The following MMRN1 variants were observed in gnomAD, a reference collection of about 807,000 sequenced individuals.
MMRN1 encodes the protein multimerin-1.
In MMRN1, 94 loss-of-function variants were observed where a neutral mutation model predicts 100.7. The observed-to-expected ratio is 0.93, with a 90% CI of 0.79 to 1.11. The LOEUF (loss-of-function observed/expected upper bound fraction) is 1.11. Ranked by LOEUF, MMRN1 falls within the 50% of genes least tolerant of loss-of-function variation. The probability of loss-of-function intolerance (pLI) is 0.00; values close to 1 mark genes in which losing one functional copy is unlikely to be tolerated. For synonymous variants in MMRN1, 575 were observed against 505.0 expected (o/e 1.14, Z -1.86); for missense variants, 1,606 against 1,439.1 (o/e 1.12, Z -1.88).
In MMRN1 at chr4:89,927,863, A is replaced by T; in HGVS notation, c.1024A>T (p.Ile342Phe). ...GAAACTGACTCTTCTGCAGAAGAAG[A>T]TTGACAATATTTCTTTGACTGTGAA... ...AMKLTLLQKK[I>F]DNISLTVNDV... Residue 342 changes from isoleucine (I) to phenylalanine (F), a missense_variant, in exon 5 of 8, where the codon ATT becomes TTT. Physicochemically the swap from Ile to Phe is conservative, Grantham distance 21. Coordinates refer to ENST00000264790, the MANE Select transcript of MMRN1 (RefSeq NM_007351.3). The T allele has an allele frequency of 6.2e-7, 1 of 1,612,840 alleles. No individual in the cohort carries two copies. The highest frequency in any genetic ancestry group is 8.5e-7 in the Non-Finnish European group (1 of 1,179,376).
intron 1 of MMRN1, among the ~76,000 whole-genome samples, chr4:89,879,953 T>C (rs926789374): frequency 6.6e-6 from 1 of 152,194 alleles, no homozygotes; most frequent in Non-Finnish European, 1.5e-5. Context: ...TGTGGAACTG[T>C]TAATCTTTTG....
At chr4:89,907,226 T>C (rs1003842109) in intron 1 of MMRN1, among the ~76,000 whole-genome samples, 2 of 151,464 alleles carry the variant, frequency 1.3e-5, no homozygotes, top group Non-Finnish European at 3.0e-5. Flanking sequence ...TTTACATTAT[T>C]TTTGCCTCAA....
intron 6 of MMRN1, among the ~76,000 whole-genome samples, chr4:89,939,000 A>G (rs1340101220): frequency 6.6e-6 from 1 of 152,082 alleles, no homozygotes; most frequent in African/African-American, 2.4e-5. Flanking sequence ...CCATTAAGCC[A>G]GCCATACTTC....
At chr4:89,946,188 T>C (rs1026610048) in intron 6 of MMRN1, among the ~76,000 whole-genome samples, 3 of 152,126 alleles carry the variant, frequency 2.0e-5, no homozygotes, top group African/African-American at 7.2e-5. Flanking sequence ...TTACAGAGCA[T>C]TGGAATCAGG....
chr4:89,936,897 C>A, intron 6 of MMRN1, 99 bp downstream of exon 6: 1 of 1,084,698 alleles, frequency 9.2e-7, no homozygotes, highest in Non-Finnish European at 1.3e-6. Context: ...CATAAAACTA[C>A]ATACTTGAAC....
chr4:89,887,798 T>G (rs1018005582), intron 1 of MMRN1, among the ~76,000 whole-genome samples: 3 of 152,000 alleles, frequency 2.0e-5, no homozygotes, highest in African/African-American at 7.2e-5. Flanking sequence ...GCAGGCTCTT[T>G]GTGTTCCTCT....
intron 6 of MMRN1, 49 bp downstream of exon 6, chr4:89,936,847 G>A: frequency 3.4e-6 from 5 of 1,486,256 alleles, no homozygotes; most frequent in Non-Finnish European, 4.5e-6. Context: ...TTACTTAAAT[G>A]ATATTTAATA....
chr4:89,898,556 T>G (rs1468753064), intron 1 of MMRN1, among the ~76,000 whole-genome samples: 1 of 151,802 alleles, frequency 6.6e-6, no homozygotes, highest in Non-Finnish European at 1.5e-5. Context: ...ACAATCTAGA[T>G]TTGTTACCCA....
At chr4:89,919,776 A>G (rs1167737231) in intron 3 of MMRN1, among the ~76,000 whole-genome samples, 1 of 152,056 alleles carries the variant, frequency 6.6e-6, no homozygotes, top group Non-Finnish European at 1.5e-5. Flanking sequence ...ATTTGGTTAA[A>G]CTTTTGTTTC....
chr4:89,900,603 T>C (rs1721352979), intron 1 of MMRN1, among the ~76,000 whole-genome samples: 1 of 152,084 alleles, frequency 6.6e-6, no homozygotes, highest in African/African-American at 2.4e-5. Context: ...CTTTCCGCAA[T>C]ACATCCCATG....
chr4:89,936,202 TG>T lies in MMRN1; in HGVS notation c.2523del (p.Met841IlefsTer10). On this transcript the variant is annotated frameshift_variant, in exon 6 of 8. Transcript: ENST00000264790. LOFTEE classifies it high-confidence loss of function. ...CAAGTGAGAAAATACCAGCAAAATA[TG>T]AGTCATTTGGAAGAAAAACTACTCT... ...TSQVRKYQQN[M>X]SHLEEKLLLT... 5 of 1,606,356 alleles carry T rather than the reference TG, an allele frequency of 3.1e-6. No individual in the cohort carries two copies. Among genetic ancestry groups the T allele is most frequent in the Non-Finnish European group, 4.2e-6 (5 of 1,178,018 alleles).
rs550865643 is a variant in MMRN1 at position 89,934,832 on chromosome 4, T to G, written c.1152T>G (p.Asn384Lys). 1.6e-5 allele frequency: 25 copies of G among 1,526,444 alleles called. No individual in the cohort carries two copies. The East Asian group carries it at 5.2e-4, about 32-fold the overall frequency. 94.6% of individuals were successfully genotyped at this position (1,526,444 alleles called of 1,614,324 possible). ...TAGGTCTAAAATCCAAAAGCATTAA[T>G]GTACTGATAAGAGACATAGTAAGAG... is the stretch of plus-strand genomic sequence containing the variant. ...LLKGLKSKSI[N>K]VLIRDIVREQ... Residue 384 changes from asparagine to lysine, a missense_variant, in exon 6 of 8, where the codon AAT becomes AAG. Physicochemically the swap from Asn to Lys is moderately conservative, Grantham distance 94. Transcript: ENST00000264790.
intron 1 of MMRN1, among the ~76,000 whole-genome samples, chr4:89,881,027 C>T (rs1578455020): frequency 6.6e-6 from 1 of 152,096 alleles, no homozygotes; most frequent in South Asian, 2.1e-4. Context: ...GTAGCAGAAG[C>T]ACTGATAAAT....
At chr4:89,932,475 G>A (rs1310975924) in intron 5 of MMRN1, among the ~76,000 whole-genome samples, 3 of 152,144 alleles carry the variant, frequency 2.0e-5, no homozygotes, top group Non-Finnish European at 4.4e-5. Context: ...TGTGTGGGGG[G>A]TCCCACCCCA....
At position 89,925,438 on chromosome 4, in the gene MMRN1, G is replaced by A. The variant is rs924324263; in HGVS notation, c.955+2166G>A. Among the ~76,000 whole-genome samples the A allele has an allele frequency of 3.4e-5, 5 of 146,074 alleles. No homozygotes were observed. In the East Asian group the frequency reaches 7.9e-4, roughly 23 times the overall value. On this transcript the variant is annotated intron_variant, in intron 4 of 7. Transcript: ENST00000264790. Reference sequence around the variant, plus strand: ...GCTGGGACTACAGCCGTGAGCCACTGTGACTTAGTCTCTAACAATTTTTTT... The same window carrying A: ...GCTGGGACTACAGCCGTGAGCCACTATGACTTAGTCTCTAACAATTTTTTT...
chr4:89,893,579 C>T (rs144072753), upstream of MMRN1, among the ~76,000 whole-genome samples: 1 of 152,192 alleles, frequency 6.6e-6, no homozygotes, highest in African/African-American at 2.4e-5. Flanking sequence ...GTTTAACAAT[C>T]AATGACTGAA....
intron 6 of MMRN1, among the ~76,000 whole-genome samples, chr4:89,940,088 G>T (rs1240765566): frequency 6.6e-6 from 1 of 152,058 alleles, no homozygotes; most frequent in Non-Finnish European, 1.5e-5. Context: ...CTAAATATTT[G>T]ATTTGTTTCT....
intron 6 of MMRN1, among the ~76,000 whole-genome samples, chr4:89,945,281 T>C (rs1407626811): frequency 6.6e-6 from 1 of 152,146 alleles, no homozygotes; most frequent in African/African-American, 2.4e-5. Flanking sequence ...CAGTCTGGGG[T>C]TACTGTGGAT....
intron 3 of MMRN1, among the ~76,000 whole-genome samples, chr4:89,916,918 G>T (rs1157113670): frequency 6.6e-6 from 1 of 151,590 alleles, no homozygotes; most frequent in Non-Finnish European, 1.5e-5. Context: ...CTCTTCATTT[G>T]CTTCCTTTCT....
Sources: gnomAD v4.1 joint callset for allele counts (sites outside exome capture counted in the v4.1 genomes callset) on GRCh38, gnomAD v4.1.1 for gene constraint, MANE v1.5 for transcripts, NCBI Gene and HGNC (gene_info 2026-07-23, HGNC 2026-07-21) for gene names.